The following NAV3 variants were observed in gnomAD, a reference collection of about 807,000 sequenced individuals.
NAV3 encodes pore membrane and/or filament interacting like protein 1.
Under a neutral mutation model 244.7 loss-of-function variants are expected in NAV3, and 87 were observed. That is an observed-to-expected ratio of 0.36 (90% confidence interval 0.30 to 0.42). The LOEUF is 0.42. NAV3 is among the 20% of genes least tolerant of loss of function. The pLI, the probability that NAV3 is intolerant of heterozygous loss-of-function variation, is 1.00. For synonymous variants in NAV3, 1,126 were observed against 1,042.2 expected, an observed-to-expected ratio of 1.08 and a Z score of -1.55; for missense variants, 2,663 against 2,893.3, an observed-to-expected ratio of 0.92 and a Z score of 1.83.
At chr12:77,667,827 G>T (rs933554536) in intron 2 of NAV3, among the ~76,000 whole-genome samples, 1 of 152,088 alleles carries the variant, frequency 6.6e-6, no homozygotes, top group Non-Finnish European at 1.5e-5. Context: ...ACCACCTTCT[G>T]TCTGGAGGCC....
At chr12:77,763,536 C>T (rs556932591) in intron 2 of NAV3, among the ~76,000 whole-genome samples, 1 of 152,286 alleles carries the variant, frequency 6.6e-6, no homozygotes, top group African/African-American at 2.4e-5. Flanking sequence ...GGCTCAAACC[C>T]TAATACGAGT....
intron 2 of NAV3, among the ~76,000 whole-genome samples, chr12:77,676,281 C>A (rs1414919422): frequency 6.6e-6 from 1 of 151,936 alleles, no homozygotes; most frequent in Non-Finnish European, 1.5e-5. Context: ...ATTGTGCTAG[C>A]TTTAAGGCTA....
At chr12:78,172,106 A>C (rs1454312296) in intron 24 of NAV3, among the ~76,000 whole-genome samples, 1 of 151,674 alleles carries the variant, frequency 6.6e-6, no homozygotes, top group African/African-American at 2.4e-5. Context: ...GTTTGTGATA[A>C]GAAATTTGAA....
At chr12:77,631,881 C>A (rs1871916168) in intron 2 of NAV3, among the ~76,000 whole-genome samples, 1 of 152,192 alleles carries the variant, frequency 6.6e-6, no homozygotes, top group African/African-American at 2.4e-5. Flanking sequence ...TCCTAAACCA[C>A]CAAAATGTAC....
intron 2 of NAV3, among the ~76,000 whole-genome samples, chr12:77,658,814 A>T (rs1334407559): frequency 6.6e-6 from 1 of 151,930 alleles, no homozygotes; most frequent in Non-Finnish European, 1.5e-5. Flanking sequence ...GCATATCTAC[A>T]ACTATCTGAT....
At chr12:77,775,256 G>T (rs892362336) in intron 2 of NAV3, among the ~76,000 whole-genome samples, 16 of 151,960 alleles carry the variant, frequency 1.1e-4, no homozygotes, top group Admixed American at 4.6e-4. Context: ...GCCAGGCATG[G>T]TGGTTCATGC....
chr12:77,783,103 CT>C lies in NAV3; in HGVS notation c.73-157205del, dbSNP rs796784947. ...GTACCATCAACTGTATATATGATTG[CT>C]TTTTTTTTTTCCATTTGTAGTATTA... On this transcript the variant is annotated intron_variant, in intron 2 of 8. Coordinates refer to the NAV3 transcript ENST00000550042. Among the ~76,000 whole-genome samples, 1,274 of 144,768 alleles carry C rather than the reference CT, an allele frequency of 8.8e-3. 8 individuals are homozygous for C. Among genetic ancestry groups the C allele is most frequent in the African/African-American group, 0.022 (854 of 39,712 alleles). The allele number at this position is 144,768 out of a possible 152,430, so 95.0% of individuals were successfully genotyped here.
chr12:77,996,582 C>T (rs1872382592), intron 6 of NAV3, among the ~76,000 whole-genome samples: 1 of 152,008 alleles, frequency 6.6e-6, no homozygotes, highest in Non-Finnish European at 1.5e-5. Context: ...GATATTCACT[C>T]TATTTTATAA....
intron 2 of NAV3, among the ~76,000 whole-genome samples, chr12:77,623,514 A>G (rs1871475479): frequency 6.6e-6 from 1 of 152,198 alleles, no homozygotes; most frequent in South Asian, 2.1e-4. Flanking sequence ...TCTTGCACAA[A>G]TTTTGTAACA....
At chr12:77,823,151 CA>C (rs1872817167) in intron 2 of NAV3, among the ~76,000 whole-genome samples, 1 of 152,022 alleles carries the variant, frequency 6.6e-6, no homozygotes, top group South Asian at 2.1e-4. Flanking sequence ...ATGGAGAACC[CA>C]AATAGAGTTC....
chr12:78,160,410 T>TGTGTGCGTGCGTGC (rs770990151), intron 23 of NAV3, among the ~76,000 whole-genome samples: 4 of 127,946 alleles, frequency 3.1e-5, no homozygotes, highest in African/African-American at 1.1e-4. Flanking sequence ...CGTGCGTGTG[T>TGTGTGCGTGCGTGC]GTGTGTGTGT....
chr12:77,834,739 A>G lies in NAV3; in HGVS notation c.243+3035A>G, dbSNP rs556614379. On this transcript the variant is annotated intron_variant, in intron 1 of 39. Transcript: ENST00000397909. ...CCCAATAAGCCTCTGTGGTAAGCAAAGTTGTATTTATAGGGATGTTTTCAC... is the reference window on the plus strand; with the variant it reads ...CCCAATAAGCCTCTGTGGTAAGCAAGGTTGTATTTATAGGGATGTTTTCAC... Among the ~76,000 whole-genome samples, 170 of 152,334 alleles carry G rather than the reference A, an allele frequency of 1.1e-3. 1 individual carries two copies. The highest frequency in any genetic ancestry group is 2.1e-3 in the Non-Finnish European group (145 of 68,026).
intron 12 of NAV3, among the ~76,000 whole-genome samples, chr12:78,062,715 A>G (rs1336149131): frequency 6.6e-6 from 1 of 152,150 alleles, no homozygotes; most frequent in Non-Finnish European, 1.5e-5. Flanking sequence ...ACCCAGAATC[A>G]TGCAGCTAAT....
At chr12:78,166,101 G>GA (rs1957770613) in intron 23 of NAV3, among the ~76,000 whole-genome samples, 1 of 151,700 alleles carries the variant, frequency 6.6e-6, no homozygotes, top group African/African-American at 2.4e-5. Context: ...TAAATCAAGC[G>GA]AAAAAATATA....
chr12:77,899,023 A>T (rs886655095), intron 1 of NAV3, among the ~76,000 whole-genome samples: 2 of 152,224 alleles, frequency 1.3e-5, no homozygotes, highest in African/African-American at 4.8e-5. Flanking sequence ...GAGCAAGAGA[A>T]CTGAAATCAG....
chr12:78,065,233 T>C (rs1884870860), intron 12 of NAV3, among the ~76,000 whole-genome samples: 1 of 152,010 alleles, frequency 6.6e-6, no homozygotes, highest in Non-Finnish European at 1.5e-5. Context: ...GTGGCAAAAC[T>C]ATCTGAGCTC....
intron 2 of NAV3, among the ~76,000 whole-genome samples, chr12:77,629,186 C>A (rs1871775843): frequency 6.6e-6 from 1 of 152,120 alleles, no homozygotes; most frequent in African/African-American, 2.4e-5. Flanking sequence ...TATTTTTAAG[C>A]CCATAAATAT....
At chr12:77,735,071 C>G (rs1183645010) in intron 2 of NAV3, among the ~76,000 whole-genome samples, 1 of 152,044 alleles carries the variant, frequency 6.6e-6, no homozygotes, top group Non-Finnish European at 1.5e-5. Context: ...TGTGTATAGG[C>G]TCTTACATAG....
At chr12:77,751,432 G>A (rs1433198198) in intron 2 of NAV3, among the ~76,000 whole-genome samples, 1 of 152,142 alleles carries the variant, frequency 6.6e-6, no homozygotes, top group Non-Finnish European at 1.5e-5. Flanking sequence ...AGATCTGGTG[G>A]GAGGTAATTG....
Sources: allele counts gnomAD v4.1 joint callset (sites outside exome capture counted in the v4.1 genomes callset), GRCh38; gene constraint gnomAD v4.1.1; transcripts MANE v1.5; gene names NCBI Gene and HGNC (gene_info 2026-07-23, HGNC 2026-07-21).